LCOR: variants seen among roughly 807,000 people sequenced by gnomAD.
LCOR encodes ligand-dependent corepressor.
In LCOR, 14 loss-of-function variants were observed where a neutral mutation model predicts 64.4. The ratio of observed to expected loss-of-function variants is 0.22; its 90% CI spans 0.14 to 0.34. LCOR has a LOEUF of 0.34. Ranked by LOEUF, LCOR falls within the 10% of genes least tolerant of loss-of-function variation. LCOR has a pLI of 1.00. For synonymous variants in LCOR, 643 were observed against 642.5 expected (o/e 1.00, Z -0.01); for missense variants, 1,686 against 1,765.3 (o/e 0.96, Z 0.80).
intron 2 of LCOR, among the ~76,000 whole-genome samples, chr10:96,862,334 C>T (rs536971909): frequency 6.6e-6 from 1 of 152,268 alleles, no homozygotes; most frequent in East Asian, 1.9e-4. Flanking sequence ...AGTGCTGTGG[C>T]ATAACCTTGG....
chr10:96,858,881 C>T (rs900579363), intron 2 of LCOR, among the ~76,000 whole-genome samples: 3 of 152,156 alleles, frequency 2.0e-5, no homozygotes, highest in Non-Finnish European at 2.9e-5. Flanking sequence ...GTGTCCATTA[C>T]ACAGATACAA....
intron 4 of LCOR, among the ~76,000 whole-genome samples, chr10:96,909,896 G>C (rs1219034095): frequency 1.3e-5 from 2 of 151,946 alleles, no homozygotes; most frequent in African/African-American, 4.8e-5. Flanking sequence ...GTGTGTCTCT[G>C]GTGGCTCTTT....
At chr10:96,956,700 A>G (rs1459308948) in intron 7 of LCOR, 1 of 985,880 alleles carries the variant, frequency 1.0e-6, no homozygotes, top group Non-Finnish European at 1.2e-6. Flanking sequence ...TCTCACCAAC[A>G]AGTGAGGATA....
intron 2 of LCOR, among the ~76,000 whole-genome samples, chr10:96,865,951 G>A (rs1264072799): frequency 1.3e-5 from 2 of 151,576 alleles, no homozygotes; most frequent in Non-Finnish European, 2.9e-5. Context: ...TCCTTTTCTG[G>A]CCAATCTCTT....
chr10:96,979,318 A>T (rs1777627298), intron 7 of LCOR, among the ~76,000 whole-genome samples: 1 of 152,268 alleles, frequency 6.6e-6, no homozygotes, highest in Non-Finnish European at 1.5e-5. Context: ...GAGGGAGTTT[A>T]AAAAATTATA....
rs1466561994 is a variant in LCOR at position 96,984,615 on chromosome 10, G to A, written c.4155G>A (p.Gln1385=). 2 of 1,614,104 alleles carry A rather than the reference G, an allele frequency of 1.2e-6. No homozygotes were observed. Among genetic ancestry groups the A allele is most frequent in the Middle Eastern group, 1.6e-4 (1 of 6,084 alleles). ...GAATGAAGGGAAGGAAGGGGAAGCAGGTGTCTGAAATCTTGCCTAAAGCAG... is the reference window on the plus strand; with the variant it reads ...GAATGAAGGGAAGGAAGGGGAAGCAAGTGTCTGAAATCTTGCCTAAAGCAG... ...TEGMKGRKGK[Q]VSEILPKAEV... Residue 1385 remains glutamine (Q), a synonymous_variant, in exon 8 of 8, where the codon CAG becomes CAA. Coordinates refer to ENST00000421806, the MANE Select transcript of LCOR (RefSeq NM_001346516.2).
At chr10:96,833,500 C>T in intron 2 of LCOR, 21 bp downstream of exon 2, 3 of 968,104 alleles carry the variant, frequency 3.1e-6, no homozygotes, top group Admixed American at 6.1e-5. Context: ...CGTGTGGTGT[C>T]TCCGCTCCGC....
chr10:96,954,354 C>A (rs1847730217), intron 7 of LCOR, among the ~76,000 whole-genome samples: 1 of 149,694 alleles, frequency 6.7e-6, no homozygotes, highest in African/African-American at 2.5e-5. Flanking sequence ...GTATTCCCCC[C>A]CGCCCCCCAA....
At chr10:96,835,012 T>C (rs988048141) in intron 2 of LCOR, among the ~76,000 whole-genome samples, 10 of 152,246 alleles carry the variant, frequency 6.6e-5, no homozygotes, top group African/African-American at 2.4e-4. Context: ...GCGGTTCTTC[T>C]GCGTCAGCCT....
At chr10:96,953,192 T>G (rs567015812) in intron 7 of LCOR, among the ~76,000 whole-genome samples, 2 of 152,212 alleles carry the variant, frequency 1.3e-5, no homozygotes, top group South Asian at 4.2e-4. Flanking sequence ...ACCCCTTCTT[T>G]TCACTATGGT....
Position 96,916,587 on chromosome 10 carries a change from C to CTATA in LCOR, c.-184+8856_-184+8859dup, listed in dbSNP as rs71976703. Among the ~76,000 whole-genome samples the CTATA allele has an allele frequency of 4.9e-3, 682 of 138,182 alleles. 4 individuals are homozygous for CTATA. The highest frequency in any genetic ancestry group is 0.014 in the African/African-American group (511 of 36,062). 90.7% of individuals were successfully genotyped at this position (138,182 alleles called of 152,430 possible). A position where few individuals can be genotyped will look rare whatever the true frequency, so the allele number is the denominator to read the frequency against. ...GAAACACATATGAGATATTTAAAGG[C>CTATA]TATATATATATATATATATCTATAT... On this transcript the variant is annotated intron_variant, in intron 4 of 7. Coordinates refer to ENST00000421806, the MANE Select transcript of LCOR (RefSeq NM_001346516.2).
chr10:96,841,712 A>G (rs1845544531), intron 2 of LCOR, among the ~76,000 whole-genome samples: 1 of 151,838 alleles, frequency 6.6e-6, no homozygotes, highest in African/African-American at 2.4e-5. Context: ...ATTATTTCCC[A>G]TGATAATTGC....
At chr10:96,941,016 G>C (rs1339859723) in intron 4 of LCOR, among the ~76,000 whole-genome samples, 106 of 121,666 alleles carry the variant, frequency 8.7e-4, no homozygotes, top group Non-Finnish European at 1.6e-3. Flanking sequence ...CCGGCCGGGC[G>C]GGGGGCTGAC....
chr10:96,861,747 T>C (rs922441330), intron 2 of LCOR, among the ~76,000 whole-genome samples: 6 of 152,198 alleles, frequency 3.9e-5, no homozygotes, highest in African/African-American at 1.2e-4. Context: ...GGTTTCGCCA[T>C]GTTGGCCAGG....
intron 2 of LCOR, among the ~76,000 whole-genome samples, chr10:96,845,260 A>G (rs1747334249): frequency 6.6e-6 from 1 of 152,054 alleles, no homozygotes; most frequent in Admixed American, 6.6e-5. Context: ...TAAAATGTGA[A>G]GGTTCTTGCC....
intron 4 of LCOR, among the ~76,000 whole-genome samples, chr10:96,943,166 C>G (rs556966554): frequency 6.6e-6 from 1 of 152,282 alleles, no homozygotes; most frequent in African/African-American, 2.4e-5. Context: ...GTGGCATAAT[C>G]TCAAGTGCAA....
At chr10:96,911,526 GT>G (rs1412772507) in intron 4 of LCOR, among the ~76,000 whole-genome samples, 3 of 152,336 alleles carry the variant, frequency 2.0e-5, no homozygotes, top group African/African-American at 4.8e-5. Flanking sequence ...TTTGATCCAT[GT>G]TTTTAGATGC....
In LCOR at chr10:96,857,528, A is replaced by G. The variant is rs114806935; in HGVS notation, c.-330+24049A>G. 3.3e-3 allele frequency among the ~76,000 whole-genome samples: 504 copies of G among 152,204 alleles called. 3 individuals carry two copies. The highest frequency in any genetic ancestry group is 0.012 in the African/African-American group (482 of 41,548). ...TTACCACAATGGCTCTTTAGCCTCT[A>G]TATACTCTTACTTCTCTCTCAGCTG... is the stretch of plus-strand genomic sequence containing the variant. On this transcript the variant is annotated intron_variant, in intron 2 of 7. Coordinates refer to ENST00000421806, the MANE Select transcript of LCOR (RefSeq NM_001346516.2).
chr10:96,844,419 G>A (rs1006594120), intron 2 of LCOR, among the ~76,000 whole-genome samples: 1 of 151,728 alleles, frequency 6.6e-6, no homozygotes, highest in Non-Finnish European at 1.5e-5. Context: ...CCATTAAGTT[G>A]CCCGTCTTTG....
Sources: allele counts gnomAD v4.1 joint callset (sites outside exome capture counted in the v4.1 genomes callset), GRCh38; gene constraint gnomAD v4.1.1; transcripts MANE v1.5; gene names NCBI Gene and HGNC (gene_info 2026-07-23, HGNC 2026-07-21).